The following FRMD6 variants were observed in gnomAD, a reference collection of about 807,000 sequenced individuals.
The protein encoded by FRMD6 is FERM domain-containing protein 6.
Under a neutral mutation model 73.2 loss-of-function variants are expected in FRMD6, and 37 were observed. The observed-to-expected ratio is 0.51, with a 90% confidence interval of 0.39 to 0.66. FRMD6 has a LOEUF of 0.66. FRMD6 is among the 30% of genes least tolerant of loss of function. The pLI is 0.00. For synonymous variants in FRMD6, 273 were observed against 282.2 expected, an observed-to-expected ratio of 0.97 and a Z score of 0.33; for missense variants, 714 against 780.5, an observed-to-expected ratio of 0.91 and a Z score of 1.02.
chr14:51,711,474 C>G, intron 7 of FRMD6, 57 bp from the exon 8 acceptor site: 1 of 1,131,196 alleles, frequency 8.8e-7, no homozygotes, highest in Non-Finnish European at 1.3e-6. Flanking sequence ...CTAAATTGTC[C>G]ACTGTAGAAA....
chr14:51,638,844 T>C (rs899889953), intron 2 of FRMD6, among the ~76,000 whole-genome samples: 7 of 152,226 alleles, frequency 4.6e-5, no homozygotes, highest in Admixed American at 3.3e-4. Flanking sequence ...TGACCTCACA[T>C]AATTCCTTGT....
At chr14:51,727,652 T>C (rs1898050380) in intron 13 of FRMD6, 93 bp from the exon 14 acceptor site, 2 of 1,259,160 alleles carry the variant, frequency 1.6e-6, no homozygotes, top group African/African-American at 1.5e-5. Flanking sequence ...TAAGGATTAC[T>C]TAACCTTTTG....
chr14:51,521,580 G>A (rs1056511556), intron 1 of FRMD6, among the ~76,000 whole-genome samples: 1 of 151,884 alleles, frequency 6.6e-6, no homozygotes, highest in Admixed American at 6.6e-5. Flanking sequence ...AAAAAGACTG[G>A]TGTCATTTTT....
intron 2 of FRMD6, among the ~76,000 whole-genome samples, chr14:51,696,869 T>TA (rs1247091062): frequency 1.3e-5 from 2 of 152,022 alleles, no homozygotes; most frequent in African/African-American, 4.8e-5. Context: ...CTTGAAAGGA[T>TA]ACTTGTCCTG....
At chr14:51,696,443 T>C (rs1895947353) in intron 2 of FRMD6, among the ~76,000 whole-genome samples, 1 of 151,450 alleles carries the variant, frequency 6.6e-6, no homozygotes, top group African/African-American at 2.4e-5. Flanking sequence ...AATAATAATA[T>C]TGAGAAAGAA....
intron 1 of FRMD6, among the ~76,000 whole-genome samples, chr14:51,563,720 T>C (rs917996182): frequency 1.3e-5 from 2 of 152,174 alleles, no homozygotes; most frequent in African/African-American, 2.4e-5. Flanking sequence ...ACAACTTTGA[T>C]GTAATGCATA....
chr14:51,651,637 G>C (rs1892386602), upstream of FRMD6: 3 of 152,404 alleles, frequency 2.0e-5, no homozygotes, highest in South Asian at 6.2e-4. Context: ...CCCTAGAGGG[G>C]TGGCGTACTC....
intron 2 of FRMD6, among the ~76,000 whole-genome samples, chr14:51,613,917 T>C (rs1890612190): frequency 6.6e-6 from 1 of 152,078 alleles, no homozygotes; most frequent in Non-Finnish European, 1.5e-5. Flanking sequence ...TATTAATCAA[T>C]ACAATAATTA....
chr14:51,427,500 T>C, the FRMD6 span, among the ~76,000 whole-genome samples: 1 of 152,226 alleles, frequency 6.6e-6, no homozygotes, highest in Non-Finnish European at 1.5e-5. Flanking sequence ...TGAAAAGAAA[T>C]GGGAAAACTT....
intron 1 of FRMD6, among the ~76,000 whole-genome samples, chr14:51,665,566 C>T (rs1028242297): frequency 6.6e-6 from 1 of 152,206 alleles, no homozygotes; most frequent in African/African-American, 2.4e-5. Flanking sequence ...TGGAACTTAG[C>T]ACATTTCTAG....
intron 1 of FRMD6, among the ~76,000 whole-genome samples, chr14:51,687,035 A>G (rs935597839): frequency 2.0e-5 from 3 of 152,126 alleles, no homozygotes; most frequent in African/African-American, 7.2e-5. Flanking sequence ...GCTGCTTCGT[A>G]TCGACTCTGC....
At chr14:51,424,205 G>A in the FRMD6 span, among the ~76,000 whole-genome samples, 4 of 152,094 alleles carry the variant, frequency 2.6e-5, no homozygotes, top group Non-Finnish European at 5.9e-5. Context: ...ATAGTTAAAG[G>A]GGAAGTAGAA....
chr14:51,704,498 A>G (rs1250577409), intron 5 of FRMD6: 2 of 422,454 alleles, frequency 4.7e-6, no homozygotes, highest in Non-Finnish European at 8.5e-6. Context: ...TGAATGAATC[A>G]AATGCTGTAA....
intron 1 of FRMD6, among the ~76,000 whole-genome samples, chr14:51,507,277 C>A (rs571029612): frequency 2.0e-5 from 3 of 152,202 alleles, no homozygotes; most frequent in Non-Finnish European, 4.4e-5. Flanking sequence ...GCAGCAGAGT[C>A]CTCACAACCC....
the FRMD6 span, among the ~76,000 whole-genome samples, chr14:51,403,004 T>C: frequency 6.6e-6 from 1 of 152,178 alleles, no homozygotes; most frequent in East Asian, 1.9e-4. Context: ...GCAGGAAGGT[T>C]CCCAGAATCC....
the FRMD6 span, among the ~76,000 whole-genome samples, chr14:51,464,965 A>G: frequency 3.9e-5 from 6 of 152,330 alleles, no homozygotes; most frequent in East Asian, 1.2e-3. Flanking sequence ...ACAATCTATG[A>G]AATAATTCAA....
intron 1 of FRMD6, among the ~76,000 whole-genome samples, chr14:51,529,521 C>T (rs1280200459): frequency 1.3e-5 from 2 of 152,138 alleles, no homozygotes; most frequent in Non-Finnish European, 2.9e-5. Context: ...CTGTGCTGGC[C>T]AGGCATTTTA....
At chr14:51,712,364 TGTG>T (rs1160363045) in intron 8 of FRMD6, 116 bp from the exon 9 acceptor site, 1 of 661,738 alleles carries the variant, frequency 1.5e-6, no homozygotes, top group Non-Finnish European at 2.7e-6. Flanking sequence ...TCCAAAGAGA[TGTG>T]GGGGCTTTTT....
At chr14:51,413,494 CT>C in the FRMD6 span, among the ~76,000 whole-genome samples, 1 of 152,074 alleles carries the variant, frequency 6.6e-6, no homozygotes, top group Non-Finnish European at 1.5e-5. Flanking sequence ...TGAACTCATC[CT>C]TTTTTATGGC....
Sources: allele counts gnomAD v4.1 joint callset (sites outside exome capture counted in the v4.1 genomes callset), GRCh38; gene constraint gnomAD v4.1.1; transcripts MANE v1.5; gene names NCBI Gene and HGNC (gene_info 2026-07-23, HGNC 2026-07-21).